KALRN: variants seen among roughly 807,000 people sequenced by gnomAD.
KALRN encodes the protein kalirin RhoGEF kinase.
Under a neutral mutation model 353.7 loss-of-function variants are expected in KALRN, and 70 were observed. That is an observed-to-expected ratio of 0.20 (90% confidence interval 0.16 to 0.24). KALRN has a LOEUF of 0.24. Ranked by LOEUF, KALRN falls within the 10% of genes least tolerant of loss-of-function variation. The pLI is 1.00. For missense variants in KALRN, 2,791 were observed against 3,756.7 expected (o/e 0.74, Z 6.72); for synonymous variants, 1,391 against 1,434.8 (o/e 0.97, Z 0.69).
chr3:124,583,210 G>C (rs942353771), intron 34 of KALRN, among the ~76,000 whole-genome samples: 2 of 152,200 alleles, frequency 1.3e-5, no homozygotes, highest in African/African-American at 4.8e-5. Flanking sequence ...TTGGTTACCT[G>C]GGTGATCAAG....
chr3:124,179,525 GT>G (rs1233710763), intron 1 of KALRN, among the ~76,000 whole-genome samples: 2 of 152,068 alleles, frequency 1.3e-5, no homozygotes, highest in African/African-American at 4.8e-5. Context: ...ATATGAACCA[GT>G]TTTTTTAGCA....
chr3:124,519,311 C>A, intron 33 of KALRN: 3 of 982,794 alleles, frequency 3.1e-6, no homozygotes, highest in Non-Finnish European at 2.4e-6. Context: ...TATTTGTTTG[C>A]AATTTTTCAT....
chr3:124,309,782 T>C (rs2078069193), intron 6 of KALRN, among the ~76,000 whole-genome samples: 1 of 152,088 alleles, frequency 6.6e-6, no homozygotes, highest in Non-Finnish European at 1.5e-5. Context: ...GAAGATAACT[T>C]CCTCAACCAG....
chr3:124,456,654 G>C lies in KALRN; in HGVS notation c.3780G>C (p.Ser1260=), dbSNP rs779154924. ...TGGATATTATCCCAGCAAGCCTTTC[G>C]GATCGGGAGGTCAAGCTGCGGGACG... is the stretch of plus-strand genomic sequence containing the variant. ...LELDIIPASL[S]DREVKLRDAN... is the part of the protein sequence containing the mutation. The change falls in exon 23 of 60, where the codon TCG becomes TCC. Residue 1260 remains serine, a synonymous_variant. Coordinates refer to ENST00000682506, the MANE Select transcript of KALRN (RefSeq NM_001388419.1). 3 of 1,613,178 alleles carry C rather than the reference G, an allele frequency of 1.9e-6. No homozygotes were observed. Among genetic ancestry groups the C allele is most frequent in the Admixed American group, 3.3e-5 (2 of 59,978 alleles).
intron 25 of KALRN, 38 bp downstream of exon 25, chr3:124,462,671 C>A: frequency 8.4e-7 from 1 of 1,196,838 alleles, no homozygotes; most frequent in Non-Finnish European, 1.2e-6. Context: ...CACACTTAGG[C>A]CGTAAAAACC....
intron 9 of KALRN, among the ~76,000 whole-genome samples, chr3:124,342,963 G>C (rs776928664): frequency 2.6e-5 from 4 of 152,196 alleles, no homozygotes; most frequent in Non-Finnish European, 4.4e-5. Context: ...CTGGGGGCCA[G>C]GCTTACCACC....
chr3:124,541,913 A>ATTT (rs35813839), intron 33 of KALRN, among the ~76,000 whole-genome samples: 23 of 150,924 alleles, frequency 1.5e-4, no homozygotes, highest in Admixed American at 2.0e-4. Flanking sequence ...AGCCCAGATC[A>ATTT]TTTTTTTGCC....
intron 11 of KALRN, among the ~76,000 whole-genome samples, chr3:124,392,846 T>A (rs1281906158): frequency 6.6e-6 from 1 of 151,930 alleles, no homozygotes; most frequent in Non-Finnish European, 1.5e-5. Flanking sequence ...TGCAGGTTAG[T>A]TACATATGTA....
intron 16 of KALRN, 120 bp from the exon 17 acceptor site, chr3:124,434,187 G>A: frequency 1.6e-6 from 1 of 645,076 alleles, no homozygotes; most frequent in South Asian, 1.9e-5. Context: ...TGACAAAATG[G>A]ATCAGTCATT....
intron 1 of KALRN, among the ~76,000 whole-genome samples, chr3:124,093,574 G>A (rs2061250298): frequency 6.6e-6 from 1 of 152,206 alleles, no homozygotes; most frequent in African/African-American, 2.4e-5. Flanking sequence ...CAGGGGCTGA[G>A]GTCTCTGCAG....
At chr3:124,495,965 G>GTACATA (rs2063706913) in intron 32 of KALRN, among the ~76,000 whole-genome samples, 1 of 41,478 alleles carries the variant, frequency 2.4e-5, no homozygotes, top group African/African-American at 1.4e-4. Flanking sequence ...GTGTATGTAT[G>GTACATA]TATATATATA....
chr3:124,704,560 T>A (rs1233577633), intron 57 of KALRN, among the ~76,000 whole-genome samples: 2 of 152,160 alleles, frequency 1.3e-5, no homozygotes, highest in African/African-American at 4.8e-5. Flanking sequence ...TTTTTCTTTT[T>A]TCTTTGAGAC....
chr3:124,269,166 C>T lies in KALRN; in HGVS notation c.880C>T (p.Arg294Trp), dbSNP rs772974571. The change falls in exon 5 of 60, where the codon CGG (arginine) becomes TGG (tryptophan). Residue 294 changes from arginine (R) to tryptophan (W), a missense_variant. Coordinates refer to ENST00000682506, the MANE Select transcript of KALRN (RefSeq NM_001388419.1). ...TCTCCTGGACAAGCTGCACTCCACC[C>T]GGCAGCACCTGCACCAGATGTGGCA... ...TSLLDKLHST[R>W]QHLHQMWHVR... is the part of the protein sequence containing the mutation. 1.2e-6 allele frequency: 2 copies of T among 1,612,970 alleles called. No individual in the cohort carries two copies. Among genetic ancestry groups the T allele is most frequent in the Non-Finnish European group, 8.5e-7 (1 of 1,179,570 alleles).
chr3:124,491,858 A>G (rs999495664), intron 31 of KALRN, among the ~76,000 whole-genome samples: 1 of 152,224 alleles, frequency 6.6e-6, no homozygotes, highest in African/African-American at 2.4e-5. Flanking sequence ...ATAACTATGT[A>G]TAAGATATGG....
chr3:124,051,609 G>T (rs1157009142), intron 1 of KALRN, among the ~76,000 whole-genome samples: 2 of 152,174 alleles, frequency 1.3e-5, no homozygotes, highest in Non-Finnish European at 2.9e-5. Context: ...TGGTGGAGTT[G>T]TTTGGTTGTT....
chr3:124,318,062 T>G (rs1048098430), intron 6 of KALRN, among the ~76,000 whole-genome samples: 1 of 152,236 alleles, frequency 6.6e-6, no homozygotes, highest in African/African-American at 2.4e-5. Context: ...CTGTGGCCTT[T>G]GGACATATGG....
intron 5 of KALRN, among the ~76,000 whole-genome samples, chr3:124,290,854 T>A (rs954268594): frequency 1.3e-5 from 2 of 152,168 alleles, no homozygotes; most frequent in African/African-American, 4.8e-5. Flanking sequence ...ATTGATGTTA[T>A]GGAGATAACA....
chr3:124,703,223 C>T (rs1394540561), intron 57 of KALRN, among the ~76,000 whole-genome samples: 1 of 152,154 alleles, frequency 6.6e-6, no homozygotes, highest in African/African-American at 2.4e-5. Context: ...ATATCATTCA[C>T]TGCCTTCCGT....
chr3:124,395,904 AC>A (rs2150067777), intron 12 of KALRN, among the ~76,000 whole-genome samples: 1 of 152,308 alleles, frequency 6.6e-6, no homozygotes, highest in African/African-American at 2.4e-5. Context: ...ATCAACCTAA[AC>A]AAACATAACT....
Sources: allele counts gnomAD v4.1 joint callset (sites outside exome capture counted in the v4.1 genomes callset), GRCh38; gene constraint gnomAD v4.1.1; transcripts MANE v1.5; gene names NCBI Gene and HGNC (gene_info 2026-07-23, HGNC 2026-07-21).